The following ATXN1 variants were observed in gnomAD, a reference collection of about 807,000 sequenced individuals.
ATXN1 encodes the protein ataxin-1.
In ATXN1, 8 loss-of-function variants were observed where a neutral mutation model predicts 56.4. That is an observed-to-expected ratio of 0.14 (90% CI 0.08 to 0.26). The LOEUF is 0.26. ATXN1 is among the 10% of genes least tolerant of loss of function. The pLI is 1.00. For synonymous variants in ATXN1, 514 were observed against 494.6 expected, an observed-to-expected ratio of 1.04 and a Z score of -0.52; for missense variants, 987 against 1,106.5, an observed-to-expected ratio of 0.89 and a Z score of 1.53.
At chr6:16,700,327 A>G (rs759397935) in intron 2 of ATXN1, among the ~76,000 whole-genome samples, 25 of 152,176 alleles carry the variant, frequency 1.6e-4, no homozygotes, top group Non-Finnish European at 2.8e-4. Flanking sequence ...AGAAAAGATA[A>G]GAACACAGTC....
At chr6:16,325,293 T>G (rs1760776339) in intron 7 of ATXN1, among the ~76,000 whole-genome samples, 2 of 151,904 alleles carry the variant, frequency 1.3e-5, no homozygotes, top group South Asian at 4.2e-4. Flanking sequence ...AATTTTTGTA[T>G]TTTTAGTAGA....
intron 6 of ATXN1, among the ~76,000 whole-genome samples, chr6:16,461,827 G>C (rs917616570): frequency 6.6e-6 from 1 of 152,144 alleles, no homozygotes; most frequent in Admixed American, 6.5e-5. Flanking sequence ...AGGCTGAGAA[G>C]GCAAACGAAA....
chr6:16,518,554 C>A (rs190375976), intron 5 of ATXN1, among the ~76,000 whole-genome samples: 55 of 152,234 alleles, frequency 3.6e-4, no homozygotes, highest in African/African-American at 1.2e-3. Flanking sequence ...CCCCCGTCTG[C>A]CTCAATACTC....
chr6:16,636,057 G>A lies in ATXN1; in HGVS notation c.-489+21719C>T, dbSNP rs111680880. Among the ~76,000 whole-genome samples the A allele has an allele frequency of 7.2e-5, 11 of 152,180 alleles. 1 individual carries two copies. Among genetic ancestry groups the A allele is most frequent in the South Asian group, 2.1e-4 (1 of 4,818 alleles). On this transcript the variant is annotated intron_variant, in intron 3 of 7. Coordinates refer to ENST00000436367, the MANE Select transcript of ATXN1 (RefSeq NM_001128164.2). The stretch of plus-strand genomic sequence containing the variant: ...CACCGAACACCTGAATTGACACCAC[G>A]GGCACTTCCAACCTGTGTTCCTGAC...
chr6:16,724,871 C>T lies in ATXN1; in HGVS notation c.-615+28362G>A, dbSNP rs557341253. On this transcript the variant is annotated intron_variant, in intron 2 of 7. Transcript: ENST00000436367. The stretch of plus-strand genomic sequence containing the variant: ...GTTATTTTGGTACTGGGTTGCAGCA[C>T]ACAGGTGGCACCTAGTCTTAGGGCT... Among the ~76,000 whole-genome samples, 18 of 152,252 alleles carry T rather than the reference C, an allele frequency of 1.2e-4. No individual in the cohort carries two copies. The South Asian group carries it at 3.7e-3, about 32-fold the overall frequency.
At chr6:16,470,171 A>G (rs561231996) in intron 6 of ATXN1, among the ~76,000 whole-genome samples, 1 of 152,322 alleles carries the variant, frequency 6.6e-6, no homozygotes, top group South Asian at 2.1e-4. Flanking sequence ...AAATTCTGAC[A>G]TGCTATAGCA....
At chr6:16,630,086 C>T (rs1763479189) in intron 3 of ATXN1, among the ~76,000 whole-genome samples, 1 of 152,092 alleles carries the variant, frequency 6.6e-6, no homozygotes, top group South Asian at 2.1e-4. Context: ...TCATATAAAT[C>T]ATGTCTGTAC....
chr6:16,360,297 T>C (rs1156642833), intron 6 of ATXN1, among the ~76,000 whole-genome samples: 2 of 152,364 alleles, frequency 1.3e-5, no homozygotes, highest in South Asian at 4.1e-4. Flanking sequence ...AGAACAGCTC[T>C]ATAGTCCTAT....
chr6:16,449,202 A>G lies in ATXN1; in HGVS notation c.-161+36770T>C, dbSNP rs140054095. ...CCACTTGCATGAAATTTCACAAGTG[A>G]GCACCCTAGTACAGCATGAGTGTAT... On this transcript the variant is annotated intron_variant, in intron 6 of 7. Coordinates refer to ENST00000436367, the MANE Select transcript of ATXN1 (RefSeq NM_001128164.2). 1.9e-3 allele frequency among the ~76,000 whole-genome samples: 290 copies of G among 152,278 alleles called. 2 individuals carry two copies. The South Asian group carries it at 0.027, about 14-fold the overall frequency.
chr6:16,541,811 A>T (rs1211466462), intron 4 of ATXN1, among the ~76,000 whole-genome samples: 2 of 152,184 alleles, frequency 1.3e-5, no homozygotes, highest in Non-Finnish European at 2.9e-5. Context: ...CGGAAATTGT[A>T]TCCTGCTAAC....
At position 16,327,459 on chromosome 6, in the gene ATXN1, C is replaced by G. The variant is rs771343299; in HGVS notation, c.852G>C (p.Gly284=). 1 of 1,613,390 alleles carries G rather than the reference C, an allele frequency of 6.2e-7. No homozygotes were observed. Among genetic ancestry groups the G allele is most frequent in the Admixed American group, 1.7e-5 (1 of 60,008 alleles). The change falls in exon 7 of 8, where the codon GGG becomes GGC. Residue 284 remains glycine, a synonymous_variant. Transcript: ENST00000436367. ...ATTGCATGACGACCTGGGAGGGGGG[C>G]CCCAGGGTGAGCGTGTGTGGGATCA... ...QTMIPHTLTL[G]PPSQVVMQYA... is the part of the protein sequence containing the mutation.
intron 6 of ATXN1, among the ~76,000 whole-genome samples, chr6:16,338,657 T>G (rs1233535051): frequency 6.6e-6 from 1 of 152,170 alleles, no homozygotes; most frequent in Non-Finnish European, 1.5e-5. Context: ...ATGGTCGCCA[T>G]CGTAGTTATA....
chr6:16,420,516 T>C (rs1488116172), intron 6 of ATXN1, among the ~76,000 whole-genome samples: 2 of 152,210 alleles, frequency 1.3e-5, no homozygotes, highest in Non-Finnish European at 2.9e-5. Context: ...TCTGAGTATG[T>C]CTACACAGCC....
chr6:16,635,386 A>C (rs1157828376), intron 3 of ATXN1, among the ~76,000 whole-genome samples: 1 of 152,126 alleles, frequency 6.6e-6, no homozygotes, highest in Non-Finnish European at 1.5e-5. Context: ...TCATCCCAAA[A>C]CCATCCCCCG....
chr6:16,332,960 G>A (rs528839843), intron 6 of ATXN1, among the ~76,000 whole-genome samples: 5 of 152,146 alleles, frequency 3.3e-5, no homozygotes, highest in Non-Finnish European at 5.9e-5. Context: ...TGCACAGTAA[G>A]GTTTGAGAAA....
At chr6:16,702,388 G>C (rs1759305530) in intron 2 of ATXN1, among the ~76,000 whole-genome samples, 2 of 152,150 alleles carry the variant, frequency 1.3e-5, no homozygotes, top group South Asian at 4.1e-4. Context: ...AACCCTAGAA[G>C]AAAACCTAGG....
chr6:16,558,084 A>T (rs1228196024), intron 4 of ATXN1, among the ~76,000 whole-genome samples: 1 of 152,148 alleles, frequency 6.6e-6, no homozygotes, highest in Non-Finnish European at 1.5e-5. Context: ...AAAATGTAAA[A>T]TTAGGTTTTG....
chr6:16,315,359 C>A (rs1411145436), intron 7 of ATXN1, among the ~76,000 whole-genome samples: 1 of 152,094 alleles, frequency 6.6e-6, no homozygotes, highest in Non-Finnish European at 1.5e-5. Flanking sequence ...CCAAATACAC[C>A]TAGAATGATA....
chr6:16,365,398 G>A (rs1395258272), intron 6 of ATXN1, among the ~76,000 whole-genome samples: 6 of 152,112 alleles, frequency 3.9e-5, no homozygotes, highest in Admixed American at 6.5e-5. Context: ...GGCTGGTCTC[G>A]AACTCCTGAC....
Sources: gnomAD v4.1 joint callset for allele counts (sites outside exome capture counted in the v4.1 genomes callset) on GRCh38, gnomAD v4.1.1 for gene constraint, MANE v1.5 for transcripts, NCBI Gene and HGNC (gene_info 2026-07-23, HGNC 2026-07-21) for gene names.